The following COLGALT2 variants were observed in gnomAD, a reference collection of about 807,000 sequenced individuals.
The protein encoded by COLGALT2 is procollagen galactosyltransferase 2.
COLGALT2 carries 49 observed loss-of-function variants against 73.4 expected under a neutral mutation model. The observed-to-expected ratio is 0.67, with a 90% CI of 0.53 to 0.85. The LOEUF (loss-of-function observed/expected upper bound fraction) is 0.85. Among genes scored for constraint, COLGALT2 ranks in the 40% least tolerant of loss-of-function variants. The pLI is 0.00. For missense variants in COLGALT2, 722 were observed against 790.2 expected (o/e 0.91, Z 1.03); for synonymous variants, 295 against 307.6 (o/e 0.96, Z 0.43).
At position 184,037,368 on chromosome 1, in the gene COLGALT2, G is replaced by C. The variant is rs1364531925; in HGVS notation, c.-11C>G. 3 of 1,406,050 alleles carry C rather than the reference G, an allele frequency of 2.1e-6. No homozygotes were observed. The highest frequency in any genetic ancestry group is 2.8e-6 in the Non-Finnish European group (3 of 1,078,482). The allele number at this position is 1,406,050 out of a possible 1,614,324, so 87.1% of individuals were successfully genotyped here. ...AGGGCGCGCAGCCATGTTCCGGGCC[G>C]AGGCGGGCGGCGGGGAAGTCCTGGC... On this transcript the variant is annotated 5_prime_UTR_variant, in exon 1 of 12. Coordinates refer to ENST00000361927, the MANE Select transcript of COLGALT2 (RefSeq NM_015101.4).
At chr1:184,008,228 T>C (rs986208576) in intron 1 of COLGALT2, among the ~76,000 whole-genome samples, 21 of 152,190 alleles carry the variant, frequency 1.4e-4, no homozygotes, top group African/African-American at 5.1e-4. Context: ...TGGAATATTT[T>C]ATAAATGACA....
chr1:183,991,933 C>G (rs1671639018), intron 1 of COLGALT2, among the ~76,000 whole-genome samples: 1 of 152,022 alleles, frequency 6.6e-6, no homozygotes, highest in East Asian at 1.9e-4. Context: ...CCTAACATTC[C>G]CAGGGTCTGT....
At chr1:183,969,215 C>G in intron 5 of COLGALT2, 54 bp downstream of exon 5, 1 of 1,413,616 alleles carries the variant, frequency 7.1e-7, no homozygotes, top group Non-Finnish European at 9.7e-7. Context: ...AACAAAGGAG[C>G]TGGTCATTTT....
In COLGALT2 at chr1:184,037,291, C is replaced by T; in HGVS notation, c.67G>A (p.Glu23Lys). ...LLLLSSALLR[E>K]GCRARFVAER... is the part of the protein sequence containing the mutation. Reference sequence around the variant, plus strand: ...GCGACGAAGCGCGCTCGGCAGCCTTCGCGGAGCAGGGCTGAGGAGAGGAGC... The same window carrying T: ...GCGACGAAGCGCGCTCGGCAGCCTTTGCGGAGCAGGGCTGAGGAGAGGAGC... Residue 23 changes from glutamate to lysine, a missense_variant, in exon 1 of 12, where the codon GAA becomes AAA. By Grantham distance (56) the Glu-to-Lys change is moderately conservative. Transcript: ENST00000361927. 1 of 1,545,788 alleles carries T rather than the reference C, an allele frequency of 6.5e-7. No homozygotes were observed. The highest frequency in any genetic ancestry group is 1.4e-5 in the African/African-American group (1 of 72,560).
At chr1:183,940,137 T>C (rs1670067810) in intron 11 of COLGALT2, among the ~76,000 whole-genome samples, 2 of 152,214 alleles carry the variant, frequency 1.3e-5, no homozygotes, top group South Asian at 4.1e-4. Flanking sequence ...ATCATGATGA[T>C]TTGTTCATGA....
At chr1:183,940,106 C>T (rs2148676) in intron 11 of COLGALT2, among the ~76,000 whole-genome samples, 25,168 of 152,140 alleles carry the variant, frequency 0.17, 2,305 homozygotes, top group Admixed American at 0.25. Context: ...CACACCCCTG[C>T]GATTGCAGGA....
chr1:184,026,850 CT>C (rs1465492607), intron 1 of COLGALT2, among the ~76,000 whole-genome samples: 1 of 151,628 alleles, frequency 6.6e-6, no homozygotes, highest in Non-Finnish European at 1.5e-5. Context: ...AAGAAATGCA[CT>C]GGTTTGATTT....
chr1:183,973,524 A>T, intron 4 of COLGALT2, 92 bp downstream of exon 4: 1 of 1,486,522 alleles, frequency 6.7e-7, no homozygotes, highest in South Asian at 1.2e-5. Flanking sequence ...GTTTCAAGGG[A>T]GTAAACAAGA....
downstream of COLGALT2, among the ~76,000 whole-genome samples, chr1:183,932,364 A>T (rs545975271): frequency 6.6e-6 from 1 of 152,226 alleles, no homozygotes; most frequent in South Asian, 2.1e-4. Context: ...TACACAGCAC[A>T]CGTAGGGAAA....
At chr1:183,931,595 G>C (rs1011601719), downstream of COLGALT2, among the ~76,000 whole-genome samples, 2 of 152,114 alleles carry the variant, frequency 1.3e-5, no homozygotes, top group Non-Finnish European at 2.9e-5. Flanking sequence ...ACTGGGGCTT[G>C]AGTGGCGTTC....
intron 8 of COLGALT2, among the ~76,000 whole-genome samples, chr1:183,947,581 T>G (rs930965015): frequency 2.6e-5 from 4 of 152,172 alleles, no homozygotes. Flanking sequence ...TACCAAAACT[T>G]ATGCGATACA....
rs1337406934 is a variant in COLGALT2 at position 183,937,514 on chromosome 1, CT to C, written c.*1246del. 1 of 985,284 alleles carries C rather than the reference CT, an allele frequency of 1.0e-6. No homozygotes were observed. The highest frequency in any genetic ancestry group is 1.2e-6 in the Non-Finnish European group (1 of 829,960). 61.0% of individuals were successfully genotyped at this position (985,284 alleles called of 1,614,324 possible). ...TCTAAGAGCTTCCCTGGTTGCTGGC[CT>C]AAATCAGGTGACCAGCCCTTTGTTT... is the stretch of plus-strand genomic sequence containing the variant. On this transcript the variant is annotated 3_prime_UTR_variant, in exon 12 of 12. Coordinates refer to ENST00000361927, the MANE Select transcript of COLGALT2 (RefSeq NM_015101.4).
At chr1:183,980,220 A>G (rs904189681) in intron 1 of COLGALT2, among the ~76,000 whole-genome samples, 5 of 151,998 alleles carry the variant, frequency 3.3e-5, no homozygotes, top group African/African-American at 1.2e-4. Flanking sequence ...GCAAACATAT[A>G]TAAAGAAATT....
intron 1 of COLGALT2, among the ~76,000 whole-genome samples, chr1:184,003,848 G>T (rs747546160): frequency 6.6e-6 from 1 of 152,058 alleles, no homozygotes; most frequent in Non-Finnish European, 1.5e-5. Context: ...CAGGTCTGCC[G>T]GCTTCCACTA....
intron 1 of COLGALT2, among the ~76,000 whole-genome samples, chr1:183,994,026 C>CTTTTTTTTTTTTTT (rs869129633): frequency 4.3e-5 from 3 of 70,028 alleles, no homozygotes; most frequent in African/African-American, 5.8e-5. Flanking sequence ...TCTTGTAATT[C>CTTTTTTTTTTTTTT]TTTTTTTTTT....
chr1:183,996,209 C>T (rs915182890), intron 1 of COLGALT2, among the ~76,000 whole-genome samples: 3 of 152,184 alleles, frequency 2.0e-5, no homozygotes, highest in Non-Finnish European at 1.5e-5. Context: ...ACAGGCTTCT[C>T]CCACCCCTTC....
At chr1:183,959,982 C>T (rs1670654475) in intron 6 of COLGALT2, among the ~76,000 whole-genome samples, 1 of 152,088 alleles carries the variant, frequency 6.6e-6, no homozygotes, top group Non-Finnish European at 1.5e-5. Flanking sequence ...TGGCTGCTTC[C>T]CAGATATATT....
intron 1 of COLGALT2, among the ~76,000 whole-genome samples, chr1:184,009,606 A>G (rs555477218): frequency 7.4e-4 from 112 of 152,298 alleles, no homozygotes; most frequent in African/African-American, 2.6e-3. Flanking sequence ...TTCAGATTTT[A>G]AACAGAGAAT....
Position 183,936,861 on chromosome 1 carries a change from C to G in COLGALT2, c.*1900G>C, listed in dbSNP as rs1364861208. 87 of 1,231,600 alleles carry G rather than the reference C, an allele frequency of 7.1e-5. No homozygotes were observed. Among genetic ancestry groups the G allele is most frequent in the Non-Finnish European group, 8.4e-5 (83 of 988,030 alleles). The allele number at this position is 1,231,600 out of a possible 1,614,324, so 76.3% of individuals were successfully genotyped here. On this transcript the variant is annotated 3_prime_UTR_variant, in exon 12 of 12. Coordinates refer to ENST00000361927, the MANE Select transcript of COLGALT2 (RefSeq NM_015101.4). Reference sequence around the variant, plus strand: ...TTGCTGGTCAGTGTAGAAGGGTACCCACAGTGAGTCGGGAAGGAAGGCCGA... The same window carrying G: ...TTGCTGGTCAGTGTAGAAGGGTACCGACAGTGAGTCGGGAAGGAAGGCCGA...
Sources: allele counts gnomAD v4.1 joint callset (sites outside exome capture counted in the v4.1 genomes callset), GRCh38; gene constraint gnomAD v4.1.1; transcripts MANE v1.5; gene names NCBI Gene and HGNC (gene_info 2026-07-23, HGNC 2026-07-21).